The following PTPN22 variants were observed in gnomAD, a reference collection of about 807,000 sequenced individuals.
PTPN22 encodes the protein tyrosine-protein phosphatase non-receptor type 22.
PTPN22 carries 85 observed loss-of-function variants against 103.3 expected under a neutral mutation model. The observed-to-expected ratio is 0.82, with a 90% CI of 0.69 to 0.99. The LOEUF (loss-of-function observed/expected upper bound fraction) is 0.99. PTPN22 is among the 50% of genes least tolerant of loss of function. The pLI is 0.00. For synonymous variants in PTPN22, 323 were observed against 310.2 expected, an observed-to-expected ratio of 1.04 and a Z score of -0.43; for missense variants, 865 against 936.9, an observed-to-expected ratio of 0.92 and a Z score of 1.00.
rs143157576 is a variant in PTPN22, at chr1:113,869,164, C to T, written c.87+2373G>A. On this transcript the variant is annotated intron_variant, in intron 1 of 20. Transcript: ENST00000359785. ...CAGGGAGGTGGAGGCTGCAGTGAGC[C>T]GAGATGGTGTCATTGCATTCCAGCC... is the stretch of plus-strand genomic sequence containing the variant. 2.7e-4 allele frequency among the ~76,000 whole-genome samples: 41 copies of T among 152,092 alleles called. No individual in the cohort carries two copies. The East Asian group carries it at 7.3e-3, about 27-fold the overall frequency.
intron 16 of PTPN22, 35 bp downstream of exon 16, chr1:113,833,076 G>C (rs925452750): frequency 6.5e-7 from 1 of 1,540,320 alleles, no homozygotes; most frequent in Admixed American, 1.7e-5. Context: ...CAATCTTAGG[G>C]CTAAATGTCA....
intron 1 of PTPN22, among the ~76,000 whole-genome samples, chr1:113,862,405 A>G (rs1456084428): frequency 1.3e-5 from 2 of 152,194 alleles, no homozygotes; most frequent in Non-Finnish European, 2.9e-5. Context: ...TTGATAAGCT[A>G]ATAGTAAGTT....
chr1:113,862,018 C>G (rs770156493), intron 1 of PTPN22, among the ~76,000 whole-genome samples: 74 of 152,020 alleles, frequency 4.9e-4, no homozygotes, highest in Admixed American at 2.9e-3. Context: ...CGGTGGCTCA[C>G]ACCTGTAATC....
intron 11 of PTPN22, among the ~76,000 whole-genome samples, chr1:113,840,354 T>C (rs551524748): frequency 4.6e-5 from 7 of 152,128 alleles, no homozygotes; most frequent in African/African-American, 1.7e-4. Context: ...GGATGTAAAA[T>C]GAACACATAA....
At chr1:113,865,167 T>A (rs1666017729) in intron 1 of PTPN22, among the ~76,000 whole-genome samples, 1 of 152,258 alleles carries the variant, frequency 6.6e-6, no homozygotes, top group Non-Finnish European at 1.5e-5. Flanking sequence ...CACAGTTCTA[T>A]GGATTAGCTG....
intron 18 of PTPN22, among the ~76,000 whole-genome samples, chr1:113,825,563 G>A (rs1294656435): frequency 1.3e-5 from 2 of 152,166 alleles, no homozygotes; most frequent in Non-Finnish European, 2.9e-5. Flanking sequence ...TTAGCTGAAT[G>A]TGGTAGCAGC....
chr1:113,857,817 A>C, intron 4 of PTPN22, 41 bp from the exon 5 acceptor site: 1 of 1,541,946 alleles, frequency 6.5e-7, no homozygotes, highest in Non-Finnish European at 8.9e-7. Context: ...ATTCATATAT[A>C]GTTAGAAAGA....
chr1:113,826,715 G>T (rs887016046), intron 18 of PTPN22, among the ~76,000 whole-genome samples: 3 of 124,312 alleles, frequency 2.4e-5, no homozygotes, highest in Non-Finnish European at 4.7e-5. Context: ...TGTCGCCCAG[G>T]CTGGAGTGCA....
chr1:113,865,404 C>G (rs1666038044), intron 1 of PTPN22, among the ~76,000 whole-genome samples: 1 of 103,726 alleles, frequency 9.6e-6, no homozygotes, highest in Admixed American at 9.0e-5. Context: ...CAAATCCGGG[C>G]TTTTCCATTT....
chr1:113,848,434 C>T, intron 11 of PTPN22, 106 bp downstream of exon 11: 2 of 1,525,618 alleles, frequency 1.3e-6, no homozygotes, highest in Non-Finnish European at 8.9e-7. Flanking sequence ...ACCTGACGCT[C>T]TCAATTTAGT....
At chr1:113,845,270 C>T (rs762899223) in intron 11 of PTPN22, among the ~76,000 whole-genome samples, 6 of 149,902 alleles carry the variant, frequency 4.0e-5, no homozygotes, top group Non-Finnish European at 8.9e-5. Context: ...TATCTCAGCT[C>T]ACTGCAACCT....
chr1:113,813,989 T>C (rs1660986278), exon 21 of PTPN22: 2 of 152,184 alleles, frequency 1.3e-5, no homozygotes, highest in Non-Finnish European at 2.9e-5. Context: ...GTTATTTAAA[T>C]AAAAATATTT....
chr1:113,871,657 T>A lies in PTPN22; in HGVS notation c.-34A>T, dbSNP rs1198716448. The stretch of plus-strand genomic sequence containing the variant: ...GCAAGAAAAATAGTCTATAAGTAGG[T>A]TGAGGGAGGGCATGTCAAATGTGTG... On this transcript the variant is annotated 5_prime_UTR_variant, in exon 1 of 21. Coordinates refer to ENST00000359785, the Ensembl canonical transcript of PTPN22. The A allele has an allele frequency of 1.9e-6, 3 of 1,594,036 alleles. No individual in the cohort carries two copies. The South Asian group carries it at 3.3e-5, about 18-fold the overall frequency.
chr1:113,845,277 A>G (rs1379157532), intron 11 of PTPN22, among the ~76,000 whole-genome samples: 1 of 150,440 alleles, frequency 6.6e-6, no homozygotes, highest in African/African-American at 2.4e-5. Flanking sequence ...GCTCACTGCA[A>G]CCTCCGCCTA....
At chr1:113,850,820 C>A (rs1664508848) in intron 10 of PTPN22, among the ~76,000 whole-genome samples, 1 of 152,158 alleles carries the variant, frequency 6.6e-6, no homozygotes, top group Non-Finnish European at 1.5e-5. Flanking sequence ...CTATTTGCAT[C>A]TTCATTTGTA....
At chr1:113,853,352 CTT>C (rs1314425403) in intron 9 of PTPN22, among the ~76,000 whole-genome samples, 10 of 130,314 alleles carry the variant, frequency 7.7e-5, no homozygotes, top group African/African-American at 1.1e-4. Flanking sequence ...CTTTTTCTTT[CTT>C]TTTTTTTTTT....
chr1:113,817,963 T>C (rs142149105), intron 20 of PTPN22, among the ~76,000 whole-genome samples: 161 of 151,402 alleles, frequency 1.1e-3, no homozygotes, highest in Non-Finnish European at 1.9e-3. Context: ...TTTTTCCTTT[T>C]TTTTTTTTAA....
chr1:113,854,669 C>A, intron 8 of PTPN22, 132 bp from the exon 9 acceptor site: 1 of 1,033,882 alleles, frequency 9.7e-7, no homozygotes. Flanking sequence ...TTCCAAACCC[C>A]ACCATTTCCC....
intron 16 of PTPN22, among the ~76,000 whole-genome samples, chr1:113,832,731 C>G (rs1158739411): frequency 6.6e-6 from 1 of 152,164 alleles, no homozygotes; most frequent in Non-Finnish European, 1.5e-5. Flanking sequence ...ATGCATGAAA[C>G]AGGCAAAGCT....
Sources: allele counts gnomAD v4.1 joint callset (sites outside exome capture counted in the v4.1 genomes callset), GRCh38; gene constraint gnomAD v4.1.1; transcripts MANE v1.5; gene names NCBI Gene and HGNC (gene_info 2026-07-23, HGNC 2026-07-21).